SGO2: variants seen among roughly 807,000 people sequenced by gnomAD.
SGO2 encodes the protein shugoshin-like 2.
Under a neutral mutation model 99.5 loss-of-function variants are expected in SGO2, and 68 were observed. The ratio of observed to expected loss-of-function variants is 0.68; its 90% CI spans 0.56 to 0.84. The LOEUF (loss-of-function observed/expected upper bound fraction) is 0.84, where lower values mean the gene tolerates loss of function less well. Among genes scored for constraint, SGO2 ranks in the 40% least tolerant of loss-of-function variants. The pLI is 0.00. For missense variants in SGO2, 1,350 were observed against 1,436.7 expected (o/e 0.94, Z 0.97); for synonymous variants, 457 against 487.1 (o/e 0.94, Z 0.81).
intron 5 of SGO2, among the ~76,000 whole-genome samples, chr2:200,546,801 T>C (rs921209844): frequency 6.6e-6 from 1 of 152,100 alleles, no homozygotes; most frequent in African/African-American, 2.4e-5. Flanking sequence ...GTGAGCTGGC[T>C]ATTTGAAAAT....
In SGO2 at chr2:200,542,735, T is replaced by C. The variant is rs879557598; in HGVS notation, c.473+71T>C. 3.8e-6 allele frequency: 5 copies of C among 1,317,762 alleles called. No homozygotes were observed. In the African/African-American group the frequency reaches 4.4e-5, roughly 12 times the overall value. 81.6% of individuals were successfully genotyped at this position (1,317,762 alleles called of 1,614,324 possible). On this transcript the variant is annotated intron_variant, in intron 5 of 8. Transcript: ENST00000357799. ...ATATAACACAATTAGTGTTTGTGTG[T>C]ATTGTACAGTGTTCAGGATCATCAA...
At chr2:200,556,521 C>CA (rs2032726273) in intron 5 of SGO2, among the ~76,000 whole-genome samples, 1 of 151,968 alleles carries the variant, frequency 6.6e-6, no homozygotes, top group African/African-American at 2.4e-5. Flanking sequence ...AAAGGTAGCT[C>CA]AGAGAAAGGA....
At chr2:200,550,991 C>A (rs561276447) in intron 5 of SGO2, among the ~76,000 whole-genome samples, 1,704 of 138,914 alleles carry the variant, frequency 0.012, 37 homozygotes, top group African/African-American at 0.041. Flanking sequence ...AACTAAGTAG[C>A]AAAAAAAAAA....
rs764094033 is a variant in SGO2 at position 200,571,124 on chromosome 2, C to A, written c.778C>A (p.Arg260Ser). 6.2e-7 allele frequency: 1 copy of A among 1,613,334 alleles called. No homozygotes were observed. The highest frequency in any genetic ancestry group is 1.1e-5 in the South Asian group (1 of 91,012). The change falls in exon 7 of 9, where the codon CGC becomes AGC. Residue 260 changes from arginine to serine, a missense_variant. Transcript: ENST00000357799. ...SEMRNAQSIG[R>S]RWEKPSPSNV... Reference sequence around the variant, plus strand: ...GATGAGAAACGCCCAGTCTATTGGCCGCAGATGGGAGAAACCATCTCCTAG... The same window carrying A: ...GATGAGAAACGCCCAGTCTATTGGCAGCAGATGGGAGAAACCATCTCCTAG...
At chr2:200,540,001 C>T (rs551752296) in intron 4 of SGO2, among the ~76,000 whole-genome samples, 1 of 151,844 alleles carries the variant, frequency 6.6e-6, no homozygotes, top group African/African-American at 2.4e-5. Context: ...TGCTGTTGAG[C>T]CCATTTAATT....
At chr2:200,540,761 G>A (rs1044203393) in intron 4 of SGO2, among the ~76,000 whole-genome samples, 7 of 152,232 alleles carry the variant, frequency 4.6e-5, no homozygotes, top group Non-Finnish European at 8.8e-5. Flanking sequence ...TGGAGACACT[G>A]CCCTTCTCAG....
chr2:200,527,814 G>A (rs982737853), intron 1 of SGO2, among the ~76,000 whole-genome samples: 5 of 152,176 alleles, frequency 3.3e-5, no homozygotes. Flanking sequence ...CAGATAATAA[G>A]TTAACTATTT....
chr2:200,559,588 G>A (rs1425416276), intron 5 of SGO2, among the ~76,000 whole-genome samples: 1 of 151,998 alleles, frequency 6.6e-6, no homozygotes, highest in Non-Finnish European at 1.5e-5. Context: ...CTTTAGCTGT[G>A]TTCCACAATT....
chr2:200,574,264 A>T (rs931648634), intron 7 of SGO2, among the ~76,000 whole-genome samples: 1 of 152,038 alleles, frequency 6.6e-6, no homozygotes, highest in African/African-American at 2.4e-5. Context: ...TTGCTTTTTC[A>T]TACATCTGAA....
chr2:200,572,433 C>T lies in SGO2; in HGVS notation c.2087C>T (p.Thr696Ile), dbSNP rs1461790001. The T allele has an allele frequency of 6.2e-7, 1 of 1,613,234 alleles. No homozygotes were observed. The highest frequency in any genetic ancestry group is 1.3e-5 in the African/African-American group (1 of 74,896). Residue 696 changes from threonine to isoleucine, a missense_variant, in exon 7 of 9, where the codon ACC becomes ATC. Thr to Ile is a moderately conservative substitution (Grantham distance 89, BLOSUM62 -1). Transcript: ENST00000357799. ...GTGTTGGGTTTGCAAAAGCAGATCA[C>T]CAATATGTACCCCGTTCAGCAAAAT... ...QNVLGLQKQI[T>I]NMYPVQQNES...
chr2:200,578,754 G>A (rs1436807033), intron 8 of SGO2, among the ~76,000 whole-genome samples: 1 of 152,126 alleles, frequency 6.6e-6, no homozygotes, highest in Non-Finnish European at 1.5e-5. Flanking sequence ...CTTTGCCAGT[G>A]GTCTCCTTGT....
intron 5 of SGO2, among the ~76,000 whole-genome samples, chr2:200,550,113 A>G (rs1163794297): frequency 6.6e-6 from 1 of 152,204 alleles, no homozygotes; most frequent in African/African-American, 2.4e-5. Context: ...ATCGCTACAA[A>G]AAATATGAAA....
intron 7 of SGO2, among the ~76,000 whole-genome samples, 165 bp downstream of exon 7, chr2:200,574,142 A>G (rs2033567205): frequency 6.6e-6 from 1 of 152,082 alleles, no homozygotes; most frequent in Non-Finnish European, 1.5e-5. Context: ...GAAGGAATAA[A>G]GAAAGTTTCA....
intron 5 of SGO2, among the ~76,000 whole-genome samples, chr2:200,558,470 A>G (rs1419552824): frequency 1.3e-5 from 2 of 152,052 alleles, no homozygotes; most frequent in Admixed American, 6.5e-5. Context: ...GGATTTTTGA[A>G]TGTTAAACCA....
intron 4 of SGO2, 37 bp downstream of exon 4, chr2:200,536,179 A>C: frequency 7.8e-7 from 1 of 1,282,974 alleles, no homozygotes; most frequent in Non-Finnish European, 1.1e-6. Context: ...GTTGTTCTTT[A>C]GATTACTGAG....
Position 200,572,912 on chromosome 2 carries a change from C to G in SGO2, c.2566C>G (p.Leu856Val). 1 of 1,592,426 alleles carries G rather than the reference C, an allele frequency of 6.3e-7. No individual in the cohort carries two copies. ...PKDKETISEN[L>V]QVTNEFQTVD... ...GGATAAAGAAACAATTTCTGAAAAT[C>G]TACAAGTCACAAATGAATTTCAAAC... The change falls in exon 7 of 9, where the codon CTA becomes GTA. Residue 856 changes from leucine to valine, a missense_variant. By Grantham distance (32) the Leu-to-Val change is conservative (BLOSUM62 1). Transcript: ENST00000357799.
chr2:200,568,308 T>A (rs1229827381), intron 5 of SGO2, among the ~76,000 whole-genome samples: 1 of 152,208 alleles, frequency 6.6e-6, no homozygotes, highest in East Asian at 1.9e-4. Flanking sequence ...AATCATGTTT[T>A]TCTATTGCTT....
At chr2:200,536,291 A>G in intron 4 of SGO2, 149 bp downstream of exon 4, 2 of 452,248 alleles carry the variant, frequency 4.4e-6, no homozygotes, top group East Asian at 3.2e-5. Flanking sequence ...CTAACAGCAT[A>G]TTATCATTTT....
intron 5 of SGO2, among the ~76,000 whole-genome samples, chr2:200,565,600 T>C (rs1004836088): frequency 1.3e-5 from 2 of 152,328 alleles, no homozygotes; most frequent in East Asian, 3.9e-4. Context: ...TAAATTTGAA[T>C]GTTGGCCTGC....
Sources: allele counts gnomAD v4.1 joint callset (sites outside exome capture counted in the v4.1 genomes callset), GRCh38; gene constraint gnomAD v4.1.1; transcripts MANE v1.5; gene names NCBI Gene and HGNC (gene_info 2026-07-23, HGNC 2026-07-21).